The following SCAMP1 variants were observed in gnomAD, a reference collection of about 807,000 sequenced individuals.
SCAMP1 encodes secretory carrier membrane protein 1.
SCAMP1 carries 15 observed loss-of-function variants against 41.8 expected under a neutral mutation model. The ratio of observed to expected loss-of-function variants is 0.36; its 90% CI spans 0.24 to 0.55. The LOEUF (loss-of-function observed/expected upper bound fraction) is 0.55. Among genes scored for constraint, SCAMP1 ranks in the 20% least tolerant of loss-of-function variants. SCAMP1 has a pLI of 0.86. For synonymous variants in SCAMP1, 135 were observed against 136.8 expected, an observed-to-expected ratio of 0.99 and a Z score of 0.09; for missense variants, 341 against 412.6, an observed-to-expected ratio of 0.83 and a Z score of 1.50.
chr5:78,462,532 C>T (rs1753643723), intron 8 of SCAMP1, among the ~76,000 whole-genome samples: 1 of 152,072 alleles, frequency 6.6e-6, no homozygotes, highest in South Asian at 2.1e-4. Flanking sequence ...CCATGTTGGC[C>T]AGTCTGGTCT....
chr5:78,439,305 A>T (rs1224703275), intron 6 of SCAMP1, among the ~76,000 whole-genome samples: 1 of 149,508 alleles, frequency 6.7e-6, no homozygotes, highest in East Asian at 1.9e-4. Context: ...GTTTCTTCCT[A>T]GCATCGATGG....
At chr5:78,400,431 C>T (rs1051256891) in intron 2 of SCAMP1, among the ~76,000 whole-genome samples, 2 of 152,108 alleles carry the variant, frequency 1.3e-5, no homozygotes, top group African/African-American at 4.8e-5. Flanking sequence ...ATTGGGATTG[C>T]GTTGAATCTG....
Position 78,452,633 on chromosome 5 carries a change from A to C in SCAMP1, c.734+2599A>C, listed in dbSNP as rs545160775. 2.4e-3 allele frequency among the ~76,000 whole-genome samples: 356 copies of C among 151,062 alleles called. 7 individuals carry two copies. The highest frequency in any genetic ancestry group is 0.02 in the Admixed American group (300 of 15,110). On this transcript the variant is annotated intron_variant, in intron 7 of 8. Transcript: ENST00000621999. ...TTCCAAGTCTTTGCCATTGTGAATA[A>C]TGCTGCAATAAACATACGTGTGCAT...
intron 1 of SCAMP1, among the ~76,000 whole-genome samples, chr5:78,366,944 A>G: frequency 6.6e-6 from 1 of 152,038 alleles, no homozygotes; most frequent in African/African-American, 2.4e-5. Flanking sequence ...AAAACCCAAA[A>G]AACAAACAAA....
Position 78,385,037 on chromosome 5 carries a change from T to C in SCAMP1, c.58-3800T>C, listed in dbSNP as rs117804642. Among the ~76,000 whole-genome samples, 157 of 152,348 alleles carry C rather than the reference T, an allele frequency of 1.0e-3. 1 individual carries two copies. In the East Asian group the frequency reaches 0.019, roughly 19 times the overall value. Reference sequence around the variant, plus strand: ...CAATAGGATTGATACCAATTCTTCATTGAATGTCTGATGGAATTCAGCTGT... The same window carrying C: ...CAATAGGATTGATACCAATTCTTCACTGAATGTCTGATGGAATTCAGCTGT... On this transcript the variant is annotated intron_variant, in intron 1 of 8. Transcript: ENST00000621999.
intron 1 of SCAMP1, chr5:78,361,201 G>T (rs1172346336): frequency 6.2e-6 from 1 of 161,714 alleles, no homozygotes; most frequent in Admixed American, 6.4e-5. Flanking sequence ...TGTGGAGGAG[G>T]AGAGAGGTGA....
chr5:78,364,591 G>T (rs1750746787), intron 1 of SCAMP1, among the ~76,000 whole-genome samples: 1 of 152,124 alleles, frequency 6.6e-6, no homozygotes, highest in Non-Finnish European at 1.5e-5. Context: ...CATTACTGGT[G>T]ACACTGTATG....
intron 1 of SCAMP1, among the ~76,000 whole-genome samples, chr5:78,372,513 A>C (rs1409297843): frequency 6.6e-6 from 1 of 152,056 alleles, no homozygotes; most frequent in Non-Finnish European, 1.5e-5. Flanking sequence ...GACATTGAAA[A>C]GTAATCATAA....
chr5:78,365,141 A>T (rs1750761602), intron 1 of SCAMP1, among the ~76,000 whole-genome samples: 1 of 152,134 alleles, frequency 6.6e-6, no homozygotes, highest in Admixed American at 6.6e-5. Context: ...TAGTGGTTTT[A>T]ATTAGGTACT....
chr5:78,387,378 T>A lies in SCAMP1; in HGVS notation c.58-1459T>A, dbSNP rs1465577304. ...ATCCTGTATCTTTTTTTTTTTTTTT[T>A]AATTTCTTTAAGTTGGCCTTTACCT... On this transcript the variant is annotated intron_variant, in intron 1 of 8. Coordinates refer to ENST00000621999, the MANE Select transcript of SCAMP1 (RefSeq NM_004866.6). Among the ~76,000 whole-genome samples the A allele has an allele frequency of 2.8e-5, 4 of 142,906 alleles. No individual in the cohort carries two copies. The East Asian group carries it at 8.6e-4, about 31-fold the overall frequency. The allele number at this position is 142,906 out of a possible 152,430, so 93.8% of individuals were successfully genotyped here.
At chr5:78,405,078 C>T (rs1286741680) in intron 2 of SCAMP1, among the ~76,000 whole-genome samples, 1 of 152,216 alleles carries the variant, frequency 6.6e-6, no homozygotes, top group Non-Finnish European at 1.5e-5. Context: ...TTTCTGCAGT[C>T]ATGGGTCAGC....
At position 78,427,470 on chromosome 5, in the gene SCAMP1, A is replaced by G. The variant is rs149169952; in HGVS notation, c.632+5510A>G. Among the ~76,000 whole-genome samples the G allele has an allele frequency of 1.5e-3, 236 of 152,270 alleles. 1 individual carries two copies. The South Asian group carries it at 0.017, about 11-fold the overall frequency. ...TTGGGGGATCAAAAATCCAAACTGT[A>G]ACAGCGTGTACAAGTCTGTCTATGG... is the stretch of plus-strand genomic sequence containing the variant. On this transcript the variant is annotated intron_variant, in intron 6 of 8. Transcript: ENST00000621999.
At chr5:78,418,981 A>G (rs1752273685) in intron 5 of SCAMP1, 78 bp downstream of exon 5, 1 of 1,213,352 alleles carries the variant, frequency 8.2e-7, no homozygotes, top group Non-Finnish European at 1.1e-6. Flanking sequence ...TTTCAAGGAT[A>G]GTATAGCAAA....
At chr5:78,438,818 A>T (rs1467891869) in intron 6 of SCAMP1, among the ~76,000 whole-genome samples, 9 of 152,122 alleles carry the variant, frequency 5.9e-5, no homozygotes, top group African/African-American at 2.2e-4. Context: ...GTGGGGTGTT[A>T]AAGTCTCCCA....
intron 2 of SCAMP1, among the ~76,000 whole-genome samples, chr5:78,390,091 CCCTTAA>C (rs1267576490): frequency 6.6e-6 from 1 of 152,102 alleles, no homozygotes; most frequent in Non-Finnish European, 1.5e-5. Context: ...CTGAAATGAG[CCCTTAA>C]CCTGTGGGAT....
rs114700909 is a variant in SCAMP1 at position 78,369,659 on chromosome 5, T to A, written c.57+8931T>A. On this transcript the variant is annotated intron_variant, in intron 1 of 8. Transcript: ENST00000621999. ...GCAGGGTTGCCACAAACCTTCAATT[T>A]ATTTTTTTAAAAAAGGCAATATCTG... Among the ~76,000 whole-genome samples, 594 of 152,374 alleles carry A rather than the reference T, an allele frequency of 3.9e-3. 4 individuals carry two copies. Among genetic ancestry groups the A allele is most frequent in the African/African-American group, 0.013 (551 of 41,588 alleles).
intron 7 of SCAMP1, among the ~76,000 whole-genome samples, chr5:78,458,173 C>G (rs1753481931): frequency 6.6e-6 from 1 of 152,102 alleles, no homozygotes; most frequent in African/African-American, 2.4e-5. Context: ...GAGCTGTAGA[C>G]CGGAGCTGTT....
rs1752767345 is a variant in SCAMP1 at position 78,436,742 on chromosome 5, T to A, written c.633-13191T>A. 2.0e-5 allele frequency among the ~76,000 whole-genome samples: 3 copies of A among 152,208 alleles called. No homozygotes were observed. In the South Asian group the frequency reaches 6.2e-4, roughly 31 times the overall value. On this transcript the variant is annotated intron_variant, in intron 6 of 8. Coordinates refer to ENST00000621999, the MANE Select transcript of SCAMP1 (RefSeq NM_004866.6). ...GTTCCATATGAACTTTACCGTAGTT[T>A]TTTTCCAATTCTGTGAAGAAAGTCA... is the stretch of plus-strand genomic sequence containing the variant.
At chr5:78,401,069 A>G (rs1561261389) in intron 2 of SCAMP1, among the ~76,000 whole-genome samples, 1 of 152,112 alleles carries the variant, frequency 6.6e-6, no homozygotes, top group Non-Finnish European at 1.5e-5. Context: ...ATTTTGTGAA[A>G]TGCTTTTTCT....
Sources: allele counts gnomAD v4.1 joint callset (sites outside exome capture counted in the v4.1 genomes callset), GRCh38; gene constraint gnomAD v4.1.1; transcripts MANE v1.5; gene names NCBI Gene and HGNC (gene_info 2026-07-23, HGNC 2026-07-21).